The following CCDC3 variants were observed in gnomAD, a reference collection of about 807,000 sequenced individuals.
The protein encoded by CCDC3 is coiled-coil domain containing 3, also known as coiled-coil domain-containing protein 3.
Under a neutral mutation model 21.4 loss-of-function variants are expected in CCDC3, and 24 were observed. The observed-to-expected ratio is 1.12, with a 90% CI of 0.81 to 1.58. CCDC3 has a LOEUF of 1.58. CCDC3 is among the 40% of genes most tolerant of loss of function. The pLI is 0.00. For synonymous variants in CCDC3, 186 were observed against 166.0 expected, an observed-to-expected ratio of 1.12 and a Z score of -0.93; for missense variants, 425 against 360.9, an observed-to-expected ratio of 1.18 and a Z score of -1.44.
At chr10:13,000,603 A>G (rs1449760572) in intron 1 of CCDC3, among the ~76,000 whole-genome samples, 1 of 152,196 alleles carries the variant, frequency 6.6e-6, no homozygotes, top group African/African-American at 2.4e-5. Context: ...ATCCCGGGCT[A>G]CATTCCACAC....
intron 2 of CCDC3, among the ~76,000 whole-genome samples, chr10:12,970,904 T>A (rs1032724804): frequency 6.6e-6 from 1 of 150,790 alleles, no homozygotes; most frequent in Non-Finnish European, 1.5e-5. Context: ...AAAAAAAAAA[T>A]TGTCAGTCTG....
At chr10:12,950,801 A>T (rs1318145966) in intron 2 of CCDC3, among the ~76,000 whole-genome samples, 1 of 152,060 alleles carries the variant, frequency 6.6e-6, no homozygotes, top group Non-Finnish European at 1.5e-5. Context: ...TGACACAATC[A>T]CATATTCAGC....
intron 2 of CCDC3, among the ~76,000 whole-genome samples, chr10:12,983,015 G>A (rs1315279494): frequency 2.4e-4 from 36 of 150,480 alleles, no homozygotes; most frequent in Non-Finnish European, 4.9e-4. Context: ...AACAGGCTGA[G>A]GCACAAGAAT....
chr10:13,087,006 C>T (rs1206180191), intron 3 of CCDC3, among the ~76,000 whole-genome samples: 1 of 152,238 alleles, frequency 6.6e-6, no homozygotes, highest in Non-Finnish European at 1.5e-5. Flanking sequence ...AAACCTGGCA[C>T]AGACACATCT....
intron 2 of CCDC3, among the ~76,000 whole-genome samples, chr10:12,957,549 G>A (rs781351960): frequency 3.3e-4 from 50 of 152,348 alleles, no homozygotes; most frequent in Non-Finnish European, 6.3e-4. Flanking sequence ...GGAGGTGAGA[G>A]CGGATGGGAG....
intron 5 of CCDC3, among the ~76,000 whole-genome samples, chr10:13,038,147 G>C (rs1402980219): frequency 6.6e-6 from 1 of 152,114 alleles, no homozygotes; most frequent in Non-Finnish European, 1.5e-5. Flanking sequence ...TATAAATAGA[G>C]CTGAATGATG....
chr10:12,901,519 C>T (rs533095063), intron 2 of CCDC3, among the ~76,000 whole-genome samples: 23 of 152,210 alleles, frequency 1.5e-4, no homozygotes, highest in African/African-American at 5.1e-4. Flanking sequence ...GTGATCTGCC[C>T]GCCTCGGCCT....
At chr10:12,905,383 A>G (rs1834154036) in intron 2 of CCDC3, among the ~76,000 whole-genome samples, 1 of 152,244 alleles carries the variant, frequency 6.6e-6, no homozygotes, top group South Asian at 2.1e-4. Context: ...GCCCTTTACA[A>G]GGAAAAGATG....
At chr10:13,026,378 G>T (rs987005527) in intron 5 of CCDC3, among the ~76,000 whole-genome samples, 15 of 152,216 alleles carry the variant, frequency 9.9e-5, no homozygotes, top group African/African-American at 3.6e-4. Context: ...GGATACTACA[G>T]AAATTAATTC....
intron 2 of CCDC3, among the ~76,000 whole-genome samples, chr10:12,990,514 T>C (rs1242733447): frequency 6.6e-6 from 1 of 152,218 alleles, no homozygotes; most frequent in South Asian, 2.1e-4. Flanking sequence ...GGGTATTTGA[T>C]AGACATTTTC....
chr10:12,978,550 CAGAGAGAGAG>C (rs10578839), intron 2 of CCDC3, among the ~76,000 whole-genome samples: 1 of 149,372 alleles, frequency 6.7e-6, no homozygotes, highest in African/African-American at 2.5e-5. Flanking sequence ...AGAATGGAAC[CAGAGAGAGAG>C]AGAGAGAGAG....
In CCDC3 at chr10:13,028,558, T is replaced by C. The variant is rs530166506; in HGVS notation, c.-2+21116A>G. On this transcript the variant is annotated intron_variant, in intron 5 of 6. Transcript: ENST00000378839. ...TAATGTGAGAACTACTCAATTCTCA[T>C]CTCATAGAGCACCCACAGATGACAG... Among the ~76,000 whole-genome samples, 90 of 152,162 alleles carry C rather than the reference T, an allele frequency of 5.9e-4. 3 individuals carry two copies. In the South Asian group the frequency reaches 0.018, roughly 31 times the overall value.
intron 3 of CCDC3, among the ~76,000 whole-genome samples, chr10:13,079,650 G>A (rs970057170): frequency 6.6e-6 from 1 of 152,164 alleles, no homozygotes; most frequent in Non-Finnish European, 1.5e-5. Flanking sequence ...TTAAAAAGAG[G>A]TGAAAAATCC....
intron 2 of CCDC3, among the ~76,000 whole-genome samples, chr10:12,937,061 A>G (rs911463746): frequency 6.6e-6 from 1 of 151,956 alleles, no homozygotes; most frequent in Non-Finnish European, 1.5e-5. Flanking sequence ...GGTAAAACTC[A>G]CAAAAGCCTA....
At chr10:12,944,193 T>C (rs770963958) in intron 2 of CCDC3, among the ~76,000 whole-genome samples, 1 of 152,156 alleles carries the variant, frequency 6.6e-6, no homozygotes, top group South Asian at 2.1e-4. Context: ...CTCTCTCTCA[T>C]GGGGGAAACT....
chr10:13,023,843 G>A (rs1836182649), intron 5 of CCDC3, among the ~76,000 whole-genome samples: 1 of 152,178 alleles, frequency 6.6e-6, no homozygotes, highest in Non-Finnish European at 1.5e-5. Context: ...CTGAAGATGT[G>A]TGAACTAAAG....
chr10:12,963,346 C>CT (rs1835208068), intron 2 of CCDC3, among the ~76,000 whole-genome samples: 1 of 152,104 alleles, frequency 6.6e-6, no homozygotes, highest in African/African-American at 2.4e-5. Context: ...CACAATGATC[C>CT]TTTTCACTGG....
At chr10:13,048,074 C>T (rs1438190787) in intron 5 of CCDC3, among the ~76,000 whole-genome samples, 1 of 152,186 alleles carries the variant, frequency 6.6e-6, no homozygotes, top group Non-Finnish European at 1.5e-5. Flanking sequence ...AATTGAGTAA[C>T]TATCTGCGGG....
At chr10:13,002,166 T>C (rs920366558), upstream of CCDC3, among the ~76,000 whole-genome samples, 2 of 152,224 alleles carry the variant, frequency 1.3e-5, no homozygotes, top group East Asian at 1.9e-4. Flanking sequence ...AGTTATTTAA[T>C]GAAGATCTTA....
Sources: gnomAD v4.1 joint callset for allele counts (sites outside exome capture counted in the v4.1 genomes callset) on GRCh38, gnomAD v4.1.1 for gene constraint, MANE v1.5 for transcripts, NCBI Gene and HGNC (gene_info 2026-07-23, HGNC 2026-07-21) for gene names.